Variants in POLR3B observed in about 807,000 individuals in gnomAD.
POLR3B encodes DNA-directed RNA polymerase III subunit RPC2.
Under a neutral mutation model 147.4 loss-of-function variants are expected in POLR3B, and 96 were observed. The observed-to-expected ratio is 0.65, with a 90% CI of 0.55 to 0.77. POLR3B has a LOEUF of 0.77. Among genes scored for constraint, POLR3B ranks in the 30% least tolerant of loss-of-function variants. POLR3B has a pLI of 0.00. For synonymous variants in POLR3B, 461 were observed against 485.9 expected, an observed-to-expected ratio of 0.95 and a Z score of 0.67; for missense variants, 1,036 against 1,413.5, an observed-to-expected ratio of 0.73 and a Z score of 4.28.
intron 26 of POLR3B, among the ~76,000 whole-genome samples, chr12:106,503,577 C>T (rs1360427944): frequency 6.6e-6 from 1 of 152,160 alleles, no homozygotes; most frequent in East Asian, 1.9e-4. Flanking sequence ...GCATATAAAC[C>T]ACAGGGAATC....
intron 23 of POLR3B, among the ~76,000 whole-genome samples, chr12:106,493,879 C>T (rs752639559): frequency 6.6e-6 from 1 of 152,136 alleles, no homozygotes; most frequent in Non-Finnish European, 1.5e-5. Flanking sequence ...ACCATCTTGG[C>T]ATATAAAAGG....
At chr12:106,376,629 C>CTTTTTTTTTTTTTTTTT (rs137973753) in intron 7 of POLR3B, among the ~76,000 whole-genome samples, 179 bp downstream of exon 7, 1 of 147,450 alleles carries the variant, frequency 6.8e-6, no homozygotes, top group African/African-American at 2.6e-5. Flanking sequence ...TTCTTTCTTT[C>CTTTTTTTTTTTTTTTTT]TTTTTTGAGA....
At chr12:106,386,162 A>G (rs546515718) in intron 9 of POLR3B, among the ~76,000 whole-genome samples, 3 of 152,068 alleles carry the variant, frequency 2.0e-5, no homozygotes, top group Admixed American at 6.6e-5. Flanking sequence ...CCTGGCTAAC[A>G]TGGTGAGAAG....
intron 1 of POLR3B, among the ~76,000 whole-genome samples, chr12:106,363,010 T>C (rs1011479782): frequency 1.3e-5 from 2 of 152,212 alleles, no homozygotes; most frequent in Admixed American, 6.5e-5. Context: ...TGTTTTTGAC[T>C]ATACCCAGGG....
At chr12:106,479,814 CTT>C (rs1369273244) in intron 23 of POLR3B, among the ~76,000 whole-genome samples, 13 of 144,656 alleles carry the variant, frequency 9.0e-5, no homozygotes, top group Non-Finnish European at 1.7e-4. Flanking sequence ...CTTTTCTTTT[CTT>C]TTCTTTTCTT....
chr12:106,424,005 C>T (rs1444946295), intron 12 of POLR3B, among the ~76,000 whole-genome samples: 4 of 151,872 alleles, frequency 2.6e-5, no homozygotes, highest in South Asian at 2.1e-4. Flanking sequence ...TATAGGCACC[C>T]GCCACCATGC....
intron 6 of POLR3B, among the ~76,000 whole-genome samples, chr12:106,374,499 G>A (rs909039567): frequency 6.6e-6 from 1 of 151,730 alleles, no homozygotes; most frequent in Non-Finnish European, 1.5e-5. Context: ...TTGCAGGCAT[G>A]AGCCACCATT....
rs763924026 is a variant in POLR3B, at chr12:106,427,333, A to G, written c.1238A>G (p.Asn413Ser). The G allele has an allele frequency of 2.5e-6, 4 of 1,613,520 alleles. No homozygotes were observed. The highest frequency in any genetic ancestry group is 1.7e-5 in the Admixed American group (1 of 60,022). Reference protein sequence around the residue: ...VKHMRQDQITNGMVNAISTGN... With the variant: ...VKHMRQDQITSGMVNAISTGN... ...CACATGCGCCAAGACCAGATCACCA[A>G]TGGCATGGTGAATGCTATTTCTACC... Residue 413 changes from asparagine to serine, a missense_variant, in exon 13 of 28, where the codon AAT (asparagine) becomes AGT (serine). Asn to Ser is a conservative substitution (Grantham distance 46). Coordinates refer to ENST00000228347, the MANE Select transcript of POLR3B (RefSeq NM_018082.6).
chr12:106,470,209 A>G lies in POLR3B; in HGVS notation c.2713+6589A>G, dbSNP rs567536737. On this transcript the variant is annotated intron_variant, in intron 23 of 27. Transcript: ENST00000228347. ...ATTTATTTCATTACTTTGATCTTCA[A>G]TCACTGATATCCTTTCTTCCGCTTG... 9.5e-4 allele frequency among the ~76,000 whole-genome samples: 145 copies of G among 152,080 alleles called. 1 individual carries two copies. The highest frequency in any genetic ancestry group is 3.3e-3 in the African/African-American group (138 of 41,484).
intron 9 of POLR3B, among the ~76,000 whole-genome samples, chr12:106,388,144 T>G (rs965629535): frequency 1.3e-5 from 2 of 152,162 alleles, no homozygotes; most frequent in African/African-American, 4.8e-5. Context: ...ATTTATGGAC[T>G]TGGATCACTA....
chr12:106,420,350 C>T (rs1387721175), intron 12 of POLR3B, among the ~76,000 whole-genome samples: 3 of 152,154 alleles, frequency 2.0e-5, no homozygotes, highest in African/African-American at 7.2e-5. Context: ...CCTTCACCTT[C>T]CAGCTACTCA....
At chr12:106,375,161 G>A (rs773544705) in intron 6 of POLR3B, among the ~76,000 whole-genome samples, 1 of 152,130 alleles carries the variant, frequency 6.6e-6, no homozygotes, top group Non-Finnish European at 1.5e-5. Flanking sequence ...CACACACTTC[G>A]AGCACACTGC....
chr12:106,481,411 A>C (rs1220747254), intron 23 of POLR3B, among the ~76,000 whole-genome samples: 1 of 152,228 alleles, frequency 6.6e-6, no homozygotes, highest in Non-Finnish European at 1.5e-5. Flanking sequence ...GCTTTGACTC[A>C]GTCTTCTTGC....
At chr12:106,404,878 G>A (rs1428391788) in intron 10 of POLR3B, among the ~76,000 whole-genome samples, 3 of 151,958 alleles carry the variant, frequency 2.0e-5, no homozygotes, top group African/African-American at 7.3e-5. Flanking sequence ...TTTATGGTTA[G>A]GTCTAAAATC....
chr12:106,360,376 C>T (rs534517364), intron 1 of POLR3B, among the ~76,000 whole-genome samples: 1 of 152,292 alleles, frequency 6.6e-6, no homozygotes, highest in South Asian at 2.1e-4. Context: ...CCTCTCCCTC[C>T]CCTGAGATCT....
At position 106,416,106 on chromosome 12, in the gene POLR3B, G is replaced by A. The variant is rs370132388; in HGVS notation, c.1101+5146G>A. ...GTCAGGTTTTGCAAGTTCAGAAGAAGTTATATAAAGGTGTGGTTTGCTGTC... is the reference window on the plus strand; with the variant it reads ...GTCAGGTTTTGCAAGTTCAGAAGAAATTATATAAAGGTGTGGTTTGCTGTC... On this transcript the variant is annotated intron_variant, in intron 12 of 27. Transcript: ENST00000228347. Among the ~76,000 whole-genome samples, 14 of 152,252 alleles carry A rather than the reference G, an allele frequency of 9.2e-5. No individual in the cohort carries two copies. In the South Asian group the frequency reaches 1.5e-3, roughly 16 times the overall value.
At chr12:106,415,076 A>G (rs978571028) in intron 12 of POLR3B, among the ~76,000 whole-genome samples, 1 of 152,140 alleles carries the variant, frequency 6.6e-6, no homozygotes, top group Non-Finnish European at 1.5e-5. Flanking sequence ...GCCACTTCCT[A>G]AATATATCTC....
chr12:106,421,090 G>T (rs1366076310), intron 12 of POLR3B, among the ~76,000 whole-genome samples: 1 of 151,924 alleles, frequency 6.6e-6, no homozygotes, highest in East Asian at 1.9e-4. Context: ...ACATTAAGAT[G>T]TGTCTATATT....
chr12:106,362,798 T>C (rs1260946384), intron 1 of POLR3B, among the ~76,000 whole-genome samples: 1 of 152,148 alleles, frequency 6.6e-6, no homozygotes, highest in East Asian at 1.9e-4. Flanking sequence ...TATATCATTG[T>C]CATTCTTCTA....
Sources: gnomAD v4.1 joint callset for allele counts (sites outside exome capture counted in the v4.1 genomes callset) on GRCh38, gnomAD v4.1.1 for gene constraint, MANE v1.5 for transcripts, NCBI Gene and HGNC (gene_info 2026-07-23, HGNC 2026-07-21) for gene names.